MAX: variants seen among roughly 807,000 people sequenced by gnomAD.
MAX encodes MYC associated transcriptional regulator X.
In MAX, 3 loss-of-function variants were observed where a neutral mutation model predicts 22.3. That is an observed-to-expected ratio of 0.13 (90% CI 0.06 to 0.35). The LOEUF (loss-of-function observed/expected upper bound fraction) is 0.35. Among genes scored for constraint, MAX ranks in the 10% least tolerant of loss-of-function variants. MAX has a pLI of 1.00. For synonymous variants in MAX, 72 were observed against 77.7 expected (o/e 0.93, Z 0.39); for missense variants, 119 against 209.4 (o/e 0.57, Z 2.66).
Position 65,084,540 on chromosome 14 carries a change from C to G in MAX, c.172-6504G>C, listed in dbSNP as rs1435593363. On this transcript the variant is annotated intron_variant, in intron 3 of 4. Coordinates refer to ENST00000358664, the MANE Select transcript of MAX (RefSeq NM_002382.5). The surrounding 1 kb of genome is among the most constrained non-coding windows in gnomAD (Gnocchi z 4.3). ...CCTCTTGGAAAGCATTTTGGCAACA[C>G]ACGGAAAAAGGTCAGATGCTCGCAC... Among the ~76,000 whole-genome samples the G allele has an allele frequency of 1.3e-5, 2 of 151,986 alleles. No homozygotes were observed. The highest frequency in any genetic ancestry group is 2.1e-4 in the South Asian group (1 of 4,822).
At chr14:65,033,632 C>T (rs917051905) in intron 3 of MAX, among the ~76,000 whole-genome samples, 10 of 152,146 alleles carry the variant, frequency 6.6e-5, no homozygotes, top group African/African-American at 2.2e-4. Flanking sequence ...CCAGGGCAAG[C>T]GGATCATGAG....
intron 3 of MAX, among the ~76,000 whole-genome samples, chr14:65,045,588 G>A (rs2062460075): frequency 6.6e-6 from 1 of 152,026 alleles, no homozygotes; most frequent in African/African-American, 2.4e-5. Flanking sequence ...GCTAATTTTT[G>A]TATTTTTAGT....
intron 3 of MAX, chr14:65,040,738 G>A: frequency 6.3e-7 from 1 of 1,575,142 alleles, no homozygotes; most frequent in African/African-American, 1.4e-5. Context: ...TCCTGGTCTT[G>A]TGTACGTCCA....
At chr14:65,089,757 A>T (rs867153125) in intron 3 of MAX, among the ~76,000 whole-genome samples, 622 of 4,428 alleles carry the variant, frequency 0.14, 16 homozygotes, top group African/African-American at 0.34. Flanking sequence ...GCATCTCTGT[A>T]AAAAAAAAAA....
In MAX at chr14:65,016,684, C is replaced by T. The variant is rs531442678; in HGVS notation, c.172-10400G>A. Among the ~76,000 whole-genome samples the T allele has an allele frequency of 2.0e-3, 301 of 152,334 alleles. 2 individuals are homozygous for T. The highest frequency in any genetic ancestry group is 6.9e-3 in the African/African-American group (286 of 41,568). On this transcript the variant is annotated intron_variant, in intron 3 of 3. Coordinates refer to the MAX transcript ENST00000341653. ...TCATTCATTCTGTCTTAACAATAAC[C>T]TCTCATTCTTGCCTTCCTGGGCAGG...
At chr14:65,101,464 G>T in intron 2 of MAX, 82 bp downstream of exon 2, 1 of 1,236,978 alleles carries the variant, frequency 8.1e-7, no homozygotes, top group Non-Finnish European at 1.2e-6. Flanking sequence ...AAAAGTAATA[G>T]TACGATCTCT....
chr14:65,080,532 G>A (rs1428624284), intron 3 of MAX, among the ~76,000 whole-genome samples: 1 of 152,156 alleles, frequency 6.6e-6, no homozygotes, highest in East Asian at 1.9e-4. Flanking sequence ...GGGAATTAGA[G>A]GACAGAGGAG....
intron 3 of MAX, among the ~76,000 whole-genome samples, chr14:65,058,110 CT>C (rs568696633): frequency 0.13 from 19,690 of 147,426 alleles, 4,067 homozygotes; most frequent in African/African-American, 0.44. Flanking sequence ...AGAGAACCAA[CT>C]TTTTTTTTTT....
At chr14:65,035,348 T>A (rs983620871) in intron 3 of MAX, among the ~76,000 whole-genome samples, 51 of 152,182 alleles carry the variant, frequency 3.4e-4, no homozygotes, top group Non-Finnish European at 7.3e-5. Context: ...CCTGCCCTTT[T>A]TCAGTCAGCT....
At position 65,084,779 on chromosome 14, in the gene MAX, C is replaced by T. The variant is rs2063284380; in HGVS notation, c.172-6743G>A. Among the ~76,000 whole-genome samples the T allele has an allele frequency of 6.6e-6, 1 of 152,154 alleles. No homozygotes were observed. Among genetic ancestry groups the T allele is most frequent in the Non-Finnish European group, 1.5e-5 (1 of 68,044 alleles). ...CAGCAAGCTATAAATAGTACTTTCC[C>T]TGTGGGGAGCATGTAGATGAAGAGA... On this transcript the variant is annotated intron_variant, in intron 3 of 4. Coordinates refer to ENST00000358664, the MANE Select transcript of MAX (RefSeq NM_002382.5). The surrounding 1 kb of genome is among the most constrained non-coding windows in gnomAD (Gnocchi z 4.3).
chr14:65,086,832 C>A (rs2063346837), intron 3 of MAX, among the ~76,000 whole-genome samples: 1 of 152,214 alleles, frequency 6.6e-6, no homozygotes, highest in South Asian at 2.1e-4. Flanking sequence ...ATCCCCAAGA[C>A]AATGGGGAAA....
intron 3 of MAX, among the ~76,000 whole-genome samples, chr14:65,037,928 C>T (rs990819769): frequency 5.9e-5 from 9 of 151,602 alleles, no homozygotes; most frequent in South Asian, 2.1e-4. Flanking sequence ...TATAGGCGTG[C>T]GCCACGACAC....
chr14:65,060,557 G>A (rs550438618), intron 3 of MAX, among the ~76,000 whole-genome samples: 4 of 127,210 alleles, frequency 3.1e-5, no homozygotes, highest in Non-Finnish European at 6.1e-5. Context: ...TTAGCCGGGC[G>A]TAGTGGCGGG....
Position 65,049,614 on chromosome 14 carries a change from T to C in MAX, c.172-43330A>G, listed in dbSNP as rs187850254. Reference sequence around the variant, plus strand: ...AATATAGGAAGTCACTGAAACAGTCTATAGTTTTTTATATAATAAACATAG... The same window carrying C: ...AATATAGGAAGTCACTGAAACAGTCCATAGTTTTTTATATAATAAACATAG... On this transcript the variant is annotated intron_variant, in intron 3 of 3. Transcript: ENST00000341653. Among the ~76,000 whole-genome samples, 12 of 152,320 alleles carry C rather than the reference T, an allele frequency of 7.9e-5. No homozygotes were observed. In the East Asian group the frequency reaches 2.3e-3, roughly 29 times the overall value.
At chr14:65,083,270 C>T (rs550414243) in intron 3 of MAX, among the ~76,000 whole-genome samples, 1 of 152,332 alleles carries the variant, frequency 6.6e-6, no homozygotes, top group South Asian at 2.1e-4. Flanking sequence ...CTACATATGT[C>T]ACAAAAGGCC....
At position 65,069,165 on chromosome 14, in the gene MAX, G is replaced by A. The variant is rs946519759; in HGVS notation, c.171+24543C>T. On this transcript the variant is annotated intron_variant, in intron 3 of 3. Transcript: ENST00000341653. The surrounding 1 kb of genome is among the most constrained non-coding windows in gnomAD (Gnocchi z 4.6). ...GCTGCCATGTGCCTGGATACCAAGG[G>A]ACCAGTGAAAGTGGTGGAATAGAAT... Among the ~76,000 whole-genome samples, 1 of 152,202 alleles carries A rather than the reference G, an allele frequency of 6.6e-6. No homozygotes were observed. Among genetic ancestry groups the A allele is most frequent in the Non-Finnish European group, 1.5e-5 (1 of 68,034 alleles).
chr14:65,053,149 G>C (rs547420027), intron 3 of MAX: 4 of 1,052,596 alleles, frequency 3.8e-6, no homozygotes, highest in Non-Finnish European at 3.7e-6. Flanking sequence ...AGGAAACCTT[G>C]ACTATTCCCC....
In MAX at chr14:65,078,166, T is replaced by C. The variant is rs965401052; in HGVS notation, c.172-130A>G. Reference sequence around the variant, plus strand: ...GTAAGGTGGGAAAAGGCTGAAGAAATACAATAATGGCTACTGTAGGCTTTA... The same window carrying C: ...GTAAGGTGGGAAAAGGCTGAAGAAACACAATAATGGCTACTGTAGGCTTTA... On this transcript the variant is annotated intron_variant, in intron 3 of 4. Coordinates refer to ENST00000358664, the MANE Select transcript of MAX (RefSeq NM_002382.5). This position sits in a 1 kb window ranked among gnomAD's most constrained non-coding sequence, Gnocchi z 6.4. 3.8e-5 allele frequency: 34 copies of C among 899,668 alleles called. No homozygotes were observed. The highest frequency in any genetic ancestry group is 3.5e-4 in the East Asian group (14 of 39,616). The allele number at this position is 899,668 out of a possible 1,614,324, so 55.7% of individuals were successfully genotyped here.
chr14:65,039,888 G>T (rs1024960388), intron 3 of MAX, among the ~76,000 whole-genome samples: 3 of 152,136 alleles, frequency 2.0e-5, no homozygotes, highest in African/African-American at 4.8e-5. Context: ...TAGTAGACCT[G>T]TACTCAAAGA....
Sources: allele counts gnomAD v4.1 joint callset (sites outside exome capture counted in the v4.1 genomes callset), GRCh38; gene constraint gnomAD v4.1.1; non-coding constraint Gnocchi (gnomAD v3.1); transcripts MANE v1.5; gene names NCBI Gene and HGNC (gene_info 2026-07-23, HGNC 2026-07-21).